The following CABIN1 variants were observed in gnomAD, a reference collection of about 807,000 sequenced individuals.
The protein encoded by CABIN1 is calcineurin-binding protein cabin-1.
CABIN1 carries 133 observed loss-of-function variants against 227.7 expected under a neutral mutation model. The observed-to-expected ratio is 0.58, with a 90% CI of 0.51 to 0.67. CABIN1 has a LOEUF of 0.67. Ranked by LOEUF, CABIN1 falls within the 30% of genes least tolerant of loss-of-function variation. CABIN1 has a pLI of 0.00. For synonymous variants in CABIN1, 1,086 were observed against 1,155.1 expected (o/e 0.94, Z 1.21); for missense variants, 2,408 against 2,852.5 (o/e 0.84, Z 3.55).
intron 29 of CABIN1, among the ~76,000 whole-genome samples, chr22:24,141,973 C>T (rs2044790441): frequency 6.6e-6 from 1 of 152,244 alleles, no homozygotes; most frequent in East Asian, 1.9e-4. Flanking sequence ...TTTCTGGTAC[C>T]CCATACCTGC....
intron 28 of CABIN1, among the ~76,000 whole-genome samples, chr22:24,130,575 T>C (rs974926858): frequency 6.6e-6 from 1 of 152,160 alleles, no homozygotes; most frequent in African/African-American, 2.4e-5. Context: ...GGTTCTATGC[T>C]GCAGGTGCAC....
intron 1 of CABIN1, among the ~76,000 whole-genome samples, chr22:24,026,559 T>G (rs1207107455): frequency 1.3e-5 from 2 of 152,110 alleles, no homozygotes; most frequent in Non-Finnish European, 1.5e-5. Context: ...TTGTATTACA[T>G]GTGAATTTTT....
Position 24,039,655 on chromosome 22 carries a change from G to A in CABIN1, c.210+1194G>A, listed in dbSNP as rs2037211100. Among the ~76,000 whole-genome samples, 3 of 152,230 alleles carry A rather than the reference G, an allele frequency of 2.0e-5. No homozygotes were observed. The South Asian group carries it at 6.2e-4, about 31-fold the overall frequency. The stretch of plus-strand genomic sequence containing the variant: ...CCCAGCATCCAACAGTTGCTAGGCA[G>A]AAACCTTTTACCTAAGGGCACGGTC... On this transcript the variant is annotated intron_variant, in intron 4 of 36. Transcript: ENST00000263119.
intron 26 of CABIN1, among the ~76,000 whole-genome samples, chr22:24,111,643 G>A (rs1160479957): frequency 1.3e-5 from 2 of 152,344 alleles, no homozygotes; most frequent in African/African-American, 4.8e-5. Flanking sequence ...TTATGATAAA[G>A]TGTTGAATAT....
intron 8 of CABIN1, among the ~76,000 whole-genome samples, chr22:24,054,344 C>G (rs1221510472): frequency 6.6e-6 from 1 of 152,196 alleles, no homozygotes; most frequent in Non-Finnish European, 1.5e-5. Context: ...ACAACAGTCT[C>G]CTGTTGCCAT....
At chr22:24,023,589 A>G (rs1313185939) in intron 1 of CABIN1, among the ~76,000 whole-genome samples, 2 of 152,166 alleles carry the variant, frequency 1.3e-5, no homozygotes, top group African/African-American at 4.8e-5. Flanking sequence ...GATAATAGCC[A>G]TTCTAGTGGA....
intron 19 of CABIN1, among the ~76,000 whole-genome samples, chr22:24,079,538 G>A (rs2040669871): frequency 6.6e-6 from 1 of 152,150 alleles, no homozygotes; most frequent in African/African-American, 2.4e-5. Context: ...GGGAATTCCT[G>A]CACATCTGTG....
rs1489531415 is a variant in CABIN1, at chr22:24,134,325, G to A, written c.4656G>A (p.Val1552=). 1 of 1,613,970 alleles carries A rather than the reference G, an allele frequency of 6.2e-7. No individual in the cohort carries two copies. The highest frequency in any genetic ancestry group is 1.3e-5 in the African/African-American group (1 of 74,930). The change falls in exon 29 of 37, where the codon GTG becomes GTA. Residue 1552 remains valine (V), a synonymous_variant. Coordinates refer to ENST00000263119, the MANE Select transcript of CABIN1 (RefSeq NM_012295.4). ...THRNLQWARD[V]LLGSSIPWQQ... is the part of the protein sequence containing the mutation. Reference sequence around the variant, plus strand: ...AGAACCTCCAGTGGGCCCGCGACGTGTTGCTAGGCAGCAGTATCCCGTGGC... The same window carrying A: ...AGAACCTCCAGTGGGCCCGCGACGTATTGCTAGGCAGCAGTATCCCGTGGC...
chr22:24,061,588 C>T lies in CABIN1; in HGVS notation c.1618-359C>T, dbSNP rs115797738. 7.5e-4 allele frequency among the ~76,000 whole-genome samples: 114 copies of T among 152,378 alleles called. 1 individual carries two copies. The highest frequency in any genetic ancestry group is 2.6e-3 in the African/African-American group (110 of 41,594). ...TCTCATCACTGAGCCTCAGCTTCCT[C>T]AAGTGCCCTGGGAATGGTATACCAG... On this transcript the variant is annotated intron_variant, in intron 12 of 36. Coordinates refer to ENST00000263119, the MANE Select transcript of CABIN1 (RefSeq NM_012295.4).
intron 1 of CABIN1, among the ~76,000 whole-genome samples, chr22:24,029,206 T>C (rs1601682623): frequency 6.6e-6 from 1 of 152,102 alleles, no homozygotes; most frequent in East Asian, 1.9e-4. Flanking sequence ...ATACAAAAAT[T>C]AGCCAGACGT....
At chr22:24,093,018 C>T (rs1409772816) in intron 24 of CABIN1, among the ~76,000 whole-genome samples, 2 of 152,130 alleles carry the variant, frequency 1.3e-5, no homozygotes, top group Admixed American at 6.5e-5. Context: ...GGTTTCCTCT[C>T]CACTTCTTGC....
intron 29 of CABIN1, among the ~76,000 whole-genome samples, chr22:24,147,678 A>G (rs1051415322): frequency 6.6e-6 from 1 of 151,898 alleles, no homozygotes; most frequent in Non-Finnish European, 1.5e-5. Context: ...TCCTGGGCTC[A>G]AGCAATACTT....
chr22:24,156,362 C>T (rs894938603), intron 29 of CABIN1, among the ~76,000 whole-genome samples: 8 of 152,032 alleles, frequency 5.3e-5, no homozygotes, highest in African/African-American at 1.9e-4. Flanking sequence ...GGTTCAGCGT[C>T]AGGTGGGCGG....
chr22:24,055,199 G>T lies in CABIN1; in HGVS notation c.1093+40G>T, dbSNP rs368594130. On this transcript the variant is annotated intron_variant, in intron 9 of 36. Transcript: ENST00000263119. ...TGAATTTGGCTTCCGGGGAGACCCC[G>T]TTCACTGAGCCCAGCAGGAATGAGA... The T allele has an allele frequency of 2.5e-6, 4 of 1,599,360 alleles. No homozygotes were observed. The African/African-American group carries it at 4.0e-5, about 16-fold the overall frequency.
chr22:24,153,826 A>T (rs1275161637), intron 29 of CABIN1, among the ~76,000 whole-genome samples: 5 of 152,176 alleles, frequency 3.3e-5, no homozygotes, highest in Admixed American at 6.5e-5. Flanking sequence ...GGCTTTACTC[A>T]GCAGAGGCTT....
At chr22:24,114,301 T>C (rs969024485) in intron 27 of CABIN1, among the ~76,000 whole-genome samples, 2 of 152,180 alleles carry the variant, frequency 1.3e-5, no homozygotes, top group African/African-American at 4.8e-5. Context: ...ACATCTGGGC[T>C]TACTGGGAGA....
chr22:24,017,790 A>AT (rs138381748), intron 1 of CABIN1, among the ~76,000 whole-genome samples: 134 of 141,448 alleles, frequency 9.5e-4, no homozygotes, highest in Middle Eastern at 3.6e-3. Flanking sequence ...TGCTTTCACC[A>AT]TTTTTTTTTT....
chr22:24,045,117 G>A (rs969498350), intron 6 of CABIN1, among the ~76,000 whole-genome samples: 4 of 152,088 alleles, frequency 2.6e-5, no homozygotes, highest in African/African-American at 9.7e-5. Flanking sequence ...GTAGAGACAG[G>A]GTTTCACCGT....
At chr22:24,154,071 G>A (rs762395945) in intron 29 of CABIN1, among the ~76,000 whole-genome samples, 4 of 152,220 alleles carry the variant, frequency 2.6e-5, no homozygotes, top group Non-Finnish European at 5.9e-5. Context: ...GGTGCTGCCC[G>A]TGATGGACCT....
Sources: gnomAD v4.1 joint callset for allele counts (sites outside exome capture counted in the v4.1 genomes callset) on GRCh38, gnomAD v4.1.1 for gene constraint, MANE v1.5 for transcripts, NCBI Gene and HGNC (gene_info 2026-07-23, HGNC 2026-07-21) for gene names.